BBS9: variants seen among roughly 807,000 people sequenced by gnomAD.
BBS9 encodes the protein Bardet-Biedl syndrome 9.
Under a neutral mutation model 117.7 loss-of-function variants are expected in BBS9, and 89 were observed. That is an observed-to-expected ratio of 0.76 (90% confidence interval 0.64 to 0.90). BBS9 has a LOEUF of 0.90. Among genes scored for constraint, BBS9 ranks in the 40% least tolerant of loss-of-function variants. The probability of loss-of-function intolerance (pLI) is 0.00; values close to 1 mark genes in which losing one functional copy is unlikely to be tolerated. For missense variants in BBS9, 982 were observed against 1,042.2 expected (o/e 0.94, Z 0.80); for synonymous variants, 379 against 370.9 (o/e 1.02, Z -0.25).
intron 16 of BBS9, among the ~76,000 whole-genome samples, chr7:33,363,345 C>T (rs1268731613): frequency 6.6e-6 from 1 of 152,148 alleles, no homozygotes; most frequent in Non-Finnish European, 1.5e-5. Context: ...TCAGGTGATC[C>T]ACCTGTCTTG....
At chr7:33,417,742 G>C (rs995547804) in intron 19 of BBS9, among the ~76,000 whole-genome samples, 1 of 152,176 alleles carries the variant, frequency 6.6e-6, no homozygotes, top group Non-Finnish European at 1.5e-5. Flanking sequence ...TTGGTTAACA[G>C]AAGTCTTAGT....
intron 18 of BBS9, among the ~76,000 whole-genome samples, chr7:33,387,075 A>G (rs192253675): frequency 9.2e-5 from 14 of 152,218 alleles, no homozygotes; most frequent in African/African-American, 3.4e-4. Context: ...ATCAGCACAT[A>G]GTAGTCTTGC....
At chr7:33,132,696 T>A (rs1789816935) in intron 1 of BBS9, among the ~76,000 whole-genome samples, 1 of 152,230 alleles carries the variant, frequency 6.6e-6, no homozygotes, top group South Asian at 2.1e-4. Context: ...TTCCTTACCA[T>A]CTTTCCTAAC....
chr7:33,432,019 A>G (rs1403115341), intron 19 of BBS9, among the ~76,000 whole-genome samples: 1 of 152,088 alleles, frequency 6.6e-6, no homozygotes, highest in African/African-American at 2.4e-5. Context: ...AGAGTATTTT[A>G]TAATATCCCT....
At chr7:33,502,141 C>T (rs1720621421) in intron 19 of BBS9, among the ~76,000 whole-genome samples, 1 of 152,154 alleles carries the variant, frequency 6.6e-6, no homozygotes, top group Non-Finnish European at 1.5e-5. Context: ...AATGCCTGAC[C>T]TTGTGATCTG....
intron 19 of BBS9, among the ~76,000 whole-genome samples, chr7:33,495,857 G>A (rs997267330): frequency 3.9e-5 from 6 of 152,064 alleles, no homozygotes; most frequent in Admixed American, 6.5e-5. Flanking sequence ...AGCAAAATTT[G>A]TCTCTATGTC....
intron 21 of BBS9, among the ~76,000 whole-genome samples, chr7:33,557,311 A>G (rs1184596231): frequency 6.6e-6 from 1 of 152,132 alleles, no homozygotes; most frequent in African/African-American, 2.4e-5. Flanking sequence ...TTTCCATTTG[A>G]GTAGCTTTTC....
chr7:33,584,438 A>C (rs1259036860), intron 21 of BBS9, among the ~76,000 whole-genome samples: 3 of 152,018 alleles, frequency 2.0e-5, no homozygotes, highest in African/African-American at 7.2e-5. Context: ...TGCTTTACTT[A>C]TAAATTTTAT....
intron 21 of BBS9, among the ~76,000 whole-genome samples, chr7:33,553,269 A>G (rs898746482): frequency 1.3e-5 from 2 of 152,042 alleles, no homozygotes; most frequent in Admixed American, 6.6e-5. Flanking sequence ...ATATTTCCCC[A>G]CTGTATTCTA....
chr7:33,432,872 A>G (rs956952373), intron 19 of BBS9, among the ~76,000 whole-genome samples: 5 of 152,024 alleles, frequency 3.3e-5, no homozygotes, highest in African/African-American at 1.2e-4. Context: ...TTTTAGAGTT[A>G]AGAATCCTTT....
intron 4 of BBS9, among the ~76,000 whole-genome samples, chr7:33,172,337 T>C (rs558478308): frequency 1.5e-4 from 22 of 150,996 alleles, no homozygotes; most frequent in Non-Finnish European, 2.8e-4. Flanking sequence ...GCCAAGATCG[T>C]GCCACTGCAC....
At position 33,504,633 on chromosome 7, in the gene BBS9, G is replaced by A. The variant is rs915381037; in HGVS notation, c.2116-830G>A. ...ACTGTCAGACGCCTTGAGCCTCTGC[G>A]GCAGTCAGTTCATTACTTTTAATGA... is the stretch of plus-strand genomic sequence containing the variant. On this transcript the variant is annotated intron_variant, in intron 19 of 22. Coordinates refer to ENST00000242067, the MANE Select transcript of BBS9 (RefSeq NM_198428.3). Among the ~76,000 whole-genome samples, 11 of 152,126 alleles carry A rather than the reference G, an allele frequency of 7.2e-5. 1 individual carries two copies. The highest frequency in any genetic ancestry group is 2.6e-4 in the Admixed American group (4 of 15,276).
chr7:33,312,495 A>G (rs762020834), intron 9 of BBS9, among the ~76,000 whole-genome samples: 59 of 152,186 alleles, frequency 3.9e-4, no homozygotes, highest in Non-Finnish European at 7.3e-4. Flanking sequence ...AGGAGGACTG[A>G]GAAAATATAT....
chr7:33,578,397 C>T (rs1011563875), intron 21 of BBS9, among the ~76,000 whole-genome samples: 6 of 152,218 alleles, frequency 3.9e-5, no homozygotes, highest in African/African-American at 1.4e-4. Context: ...TCCCAGAAAT[C>T]ACAATAGTTG....
At chr7:33,251,383 A>C (rs1297981236) in intron 5 of BBS9, among the ~76,000 whole-genome samples, 1 of 152,162 alleles carries the variant, frequency 6.6e-6, no homozygotes, top group East Asian at 1.9e-4. Context: ...CTACTGGGGT[A>C]CTAATTGGTT....
intron 9 of BBS9, among the ~76,000 whole-genome samples, chr7:33,333,018 A>G (rs1292956236): frequency 2.6e-5 from 4 of 151,914 alleles, no homozygotes; most frequent in Non-Finnish European, 5.9e-5. Flanking sequence ...CCTGGAAACC[A>G]CCATTCAACT....
At chr7:33,560,249 T>C (rs1247801482) in intron 21 of BBS9, among the ~76,000 whole-genome samples, 1 of 152,200 alleles carries the variant, frequency 6.6e-6, no homozygotes, top group Non-Finnish European at 1.5e-5. Context: ...CCTGAAATTG[T>C]GTAGAACAAC....
At chr7:33,183,490 A>G (rs906828024) in intron 5 of BBS9, among the ~76,000 whole-genome samples, 4 of 152,174 alleles carry the variant, frequency 2.6e-5, no homozygotes, top group Non-Finnish European at 5.9e-5. Context: ...TAAACCTCTT[A>G]TTACCCTACT....
chr7:33,579,150 A>G (rs905859442), intron 21 of BBS9, among the ~76,000 whole-genome samples: 1 of 152,194 alleles, frequency 6.6e-6, no homozygotes, highest in African/African-American at 2.4e-5. Context: ...ATCCCTAATA[A>G]AAGTGGGAAA....
Sources: gnomAD v4.1 joint callset for allele counts (sites outside exome capture counted in the v4.1 genomes callset) on GRCh38, gnomAD v4.1.1 for gene constraint, MANE v1.5 for transcripts, NCBI Gene and HGNC (gene_info 2026-07-23, HGNC 2026-07-21) for gene names.